Variants in MBP observed in about 807,000 individuals in gnomAD.
MBP encodes the protein Golli-MBP.
Under a neutral mutation model 35.8 loss-of-function variants are expected in MBP, and 16 were observed. That is an observed-to-expected ratio of 0.45 (90% CI 0.30 to 0.68). The LOEUF (loss-of-function observed/expected upper bound fraction) is 0.68, where lower values mean the gene tolerates loss of function less well. MBP is among the 30% of genes least tolerant of loss of function. The pLI, the probability that MBP is intolerant of heterozygous loss-of-function variation, is 0.08. For synonymous variants in MBP, 143 were observed against 159.6 expected (o/e 0.90, Z 0.78); for missense variants, 380 against 404.7 (o/e 0.94, Z 0.52).
At chr18:77,010,611 A>C (rs17576996) in intron 4 of MBP, among the ~76,000 whole-genome samples, 35,749 of 152,190 alleles carry the variant, frequency 0.23, 4,736 homozygotes, top group Non-Finnish European at 0.31. Context: ...TGCTGACATT[A>C]TTCCTTGGTA....
chr18:76,996,821 G>A (rs1599500745), intron 4 of MBP, among the ~76,000 whole-genome samples: 1 of 152,166 alleles, frequency 6.6e-6, no homozygotes, highest in Non-Finnish European at 1.5e-5. Context: ...ACAACTCATA[G>A]AAGTGTACCC....
At chr18:77,068,849 TGTG>T (rs1265195951) in intron 2 of MBP, 2 of 402,586 alleles carry the variant, frequency 5.0e-6, no homozygotes, top group East Asian at 1.4e-4. Flanking sequence ...TTGCTAGAGA[TGTG>T]GTGGGAGGGA....
At chr18:77,104,802 C>T (rs574429020) in intron 2 of MBP, among the ~76,000 whole-genome samples, 40 of 152,286 alleles carry the variant, frequency 2.6e-4, no homozygotes, top group Non-Finnish European at 1.5e-5. Flanking sequence ...TCTCTGAGAG[C>T]CTCCTGATAC....
chr18:76,990,775 G>A, intron 4 of MBP: 1 of 212,642 alleles, frequency 4.7e-6, no homozygotes, highest in South Asian at 4.6e-5. Flanking sequence ...CTAGTGATCT[G>A]GATTTTTTAA....
chr18:77,052,970 G>A (rs1397353314), intron 3 of MBP, among the ~76,000 whole-genome samples: 1 of 152,206 alleles, frequency 6.6e-6, no homozygotes, highest in Non-Finnish European at 1.5e-5. Context: ...GGGAACATGG[G>A]TGTGAGTCCA....
rs1468395328 is a variant in MBP, at chr18:76,988,133, C to T, written c.750+362G>A. The T allele has an allele frequency of 6.2e-5, 95 of 1,528,084 alleles. 1 individual carries two copies. Among genetic ancestry groups the T allele is most frequent in the Non-Finnish European group, 8.1e-5 (92 of 1,141,478 alleles). 94.7% of individuals were successfully genotyped at this position (1,528,084 alleles called of 1,614,324 possible). A position where few individuals can be genotyped will look rare whatever the true frequency, so the allele number is the denominator to read the frequency against. On this transcript the variant is annotated intron_variant, in intron 7 of 8. Coordinates refer to ENST00000355994, the MANE Select transcript of MBP (RefSeq NM_001025101.2). The surrounding 1 kb of genome is among the most constrained non-coding windows in gnomAD (Gnocchi z 5.2). Reference sequence around the variant, plus strand: ...CAGTCCCACTTCCACATGCGGGTTCCTGGGGCTTCTCGCACTGGTTGTGTT... The same window carrying T: ...CAGTCCCACTTCCACATGCGGGTTCTTGGGGCTTCTCGCACTGGTTGTGTT...
intron 3 of MBP, among the ~76,000 whole-genome samples, chr18:77,019,844 C>T (rs190593443): frequency 2.9e-4 from 44 of 152,252 alleles, no homozygotes; most frequent in Non-Finnish European, 5.0e-4. Flanking sequence ...GAATCGGCTC[C>T]CGGTGGCGGA....
chr18:77,037,170 C>T (rs1248133578), intron 3 of MBP, among the ~76,000 whole-genome samples: 1 of 143,882 alleles, frequency 7.0e-6, no homozygotes, highest in African/African-American at 2.6e-5. Flanking sequence ...GGAGACAGAG[C>T]TGAGCAAGTG....
At chr18:77,001,163 C>T (rs1036897026) in intron 4 of MBP, among the ~76,000 whole-genome samples, 3 of 152,220 alleles carry the variant, frequency 2.0e-5, no homozygotes, top group African/African-American at 7.2e-5. Flanking sequence ...GGTCCCCGCC[C>T]ACCCGGTTCC....
At chr18:77,024,575 C>T (rs779312394) in intron 3 of MBP, among the ~76,000 whole-genome samples, 6 of 152,206 alleles carry the variant, frequency 3.9e-5, no homozygotes, top group South Asian at 4.1e-4. Flanking sequence ...GATGGCCAAG[C>T]GGGACCGCCT....
chr18:77,008,860 G>A (rs1971153811), intron 4 of MBP, among the ~76,000 whole-genome samples: 1 of 152,202 alleles, frequency 6.6e-6, no homozygotes. Context: ...CCAAGTTTTG[G>A]CATCCGCAGG....
chr18:77,099,810 T>C (rs111456208), intron 2 of MBP, among the ~76,000 whole-genome samples: 8 of 152,304 alleles, frequency 5.3e-5, no homozygotes, highest in South Asian at 2.1e-4. Context: ...AGCTGGGGCC[T>C]GTGGCAGGAG....
intron 2 of MBP, among the ~76,000 whole-genome samples, chr18:77,072,715 C>T (rs1263680458): frequency 6.6e-6 from 1 of 152,234 alleles, no homozygotes; most frequent in African/African-American, 2.4e-5. Context: ...TGGCCCAGGA[C>T]TCCTGGTGTG....
At chr18:76,980,821 T>G in intron 8 of MBP, 1 of 237,908 alleles carries the variant, frequency 4.2e-6, no homozygotes. Flanking sequence ...TCTCGTCAGC[T>G]AGAGGTGCCA....
At chr18:77,009,831 G>A in intron 4 of MBP, 3 of 1,558,646 alleles carry the variant, frequency 1.9e-6, no homozygotes, top group Non-Finnish European at 2.6e-6. Flanking sequence ...GATGGGTGAG[G>A]ACCCGCCGGC....
intron 3 of MBP, among the ~76,000 whole-genome samples, chr18:77,026,456 AC>A (rs138662159): frequency 0.063 from 9,584 of 152,238 alleles, 352 homozygotes; most frequent in Middle Eastern, 0.092. Flanking sequence ...CAATCACACT[AC>A]CCAATTTAAC....
At chr18:77,016,811 C>T (rs1256908341) in intron 4 of MBP, 21 bp downstream of exon 4, 1 of 1,612,202 alleles carries the variant, frequency 6.2e-7, no homozygotes, top group Non-Finnish European at 8.5e-7. Flanking sequence ...AACTAAAACT[C>T]CTCTACTCCT....
At chr18:77,103,313 C>T (rs1404487705) in intron 2 of MBP, among the ~76,000 whole-genome samples, 3 of 152,140 alleles carry the variant, frequency 2.0e-5, no homozygotes, top group Non-Finnish European at 2.9e-5. Context: ...CGTTCAATTC[C>T]GCGGACATTT....
intron 3 of MBP, among the ~76,000 whole-genome samples, chr18:77,055,797 T>C (rs1295824566): frequency 6.6e-6 from 1 of 152,238 alleles, no homozygotes; most frequent in Admixed American, 6.5e-5. Context: ...TCATTCACAC[T>C]GGAGAGTTCA....
Sources: allele counts gnomAD v4.1 joint callset (sites outside exome capture counted in the v4.1 genomes callset), GRCh38; gene constraint gnomAD v4.1.1; non-coding constraint Gnocchi (gnomAD v3.1); transcripts MANE v1.5; gene names NCBI Gene and HGNC (gene_info 2026-07-23, HGNC 2026-07-21).